EPHA3: variants seen among roughly 807,000 people sequenced by gnomAD.
EPHA3 encodes ephrin type-A receptor 3.
In EPHA3, 42 loss-of-function variants were observed where a neutral mutation model predicts 107.1. The observed-to-expected ratio is 0.39, with a 90% CI of 0.31 to 0.51. The LOEUF (loss-of-function observed/expected upper bound fraction) is 0.51. Ranked by LOEUF, EPHA3 falls within the 20% of genes least tolerant of loss-of-function variation. The pLI, the probability that EPHA3 is intolerant of heterozygous loss-of-function variation, is 0.78. For missense variants in EPHA3, 1,183 were observed against 1,211.2 expected (o/e 0.98, Z 0.35); for synonymous variants, 461 against 424.8 (o/e 1.09, Z -1.05).
chr3:89,174,648 T>C (rs1705280684), intron 2 of EPHA3, among the ~76,000 whole-genome samples: 1 of 151,954 alleles, frequency 6.6e-6, no homozygotes, highest in Non-Finnish European at 1.5e-5. Flanking sequence ...CTTAATAATA[T>C]AGTTATAAAT....
At chr3:89,339,796 T>C (rs79422027) in intron 3 of EPHA3, among the ~76,000 whole-genome samples, 3,252 of 152,276 alleles carry the variant, frequency 0.021, 121 homozygotes, top group African/African-American at 0.071. Context: ...GCCTATTCTG[T>C]ATATAAGTTC....
chr3:89,120,967 C>G (rs1286626937), intron 1 of EPHA3, among the ~76,000 whole-genome samples: 1 of 152,156 alleles, frequency 6.6e-6, no homozygotes, highest in African/African-American at 2.4e-5. Flanking sequence ...CAGCCTGGCA[C>G]GGTGGCTCAC....
chr3:89,316,427 A>T (rs1706900352), intron 3 of EPHA3, among the ~76,000 whole-genome samples: 1 of 149,862 alleles, frequency 6.7e-6, no homozygotes, highest in Non-Finnish European at 1.5e-5. Context: ...ACGCATTTTG[A>T]CAACATCTGG....
At chr3:89,284,673 CT>C (rs1386703582) in intron 3 of EPHA3, among the ~76,000 whole-genome samples, 1 of 152,146 alleles carries the variant, frequency 6.6e-6, no homozygotes, top group Non-Finnish European at 1.5e-5. Flanking sequence ...ATGGCACTTT[CT>C]TTTGCATCTA....
intron 3 of EPHA3, among the ~76,000 whole-genome samples, chr3:89,275,490 A>T (rs759514551): frequency 5.3e-5 from 8 of 152,082 alleles, no homozygotes; most frequent in Non-Finnish European, 1.2e-4. Context: ...CCAAACCCTC[A>T]CCTATAATAA....
At chr3:89,281,876 C>T (rs1705957208) in intron 3 of EPHA3, among the ~76,000 whole-genome samples, 1 of 152,126 alleles carries the variant, frequency 6.6e-6, no homozygotes, top group Admixed American at 6.6e-5. Context: ...TGGCTAATTC[C>T]AATCATTGTA....
intron 2 of EPHA3, among the ~76,000 whole-genome samples, chr3:89,181,286 GT>G (rs1344122752): frequency 6.6e-6 from 1 of 151,956 alleles, no homozygotes; most frequent in Non-Finnish European, 1.5e-5. Flanking sequence ...TTAATTTCCA[GT>G]TGAGCAAATA....
intron 16 of EPHA3, 140 bp from the exon 17 acceptor site, chr3:89,479,257 C>A: frequency 2.9e-6 from 2 of 687,850 alleles, no homozygotes; most frequent in South Asian, 1.8e-5. Flanking sequence ...ACGGTCCGGA[C>A]ATAACACAGA....
intron 2 of EPHA3, among the ~76,000 whole-genome samples, chr3:89,133,059 TA>T (rs1243461689): frequency 1.3e-5 from 2 of 152,220 alleles, no homozygotes; most frequent in Non-Finnish European, 2.9e-5. Flanking sequence ...AAGAGCTATA[TA>T]AATATCATTT....
intron 5 of EPHA3, among the ~76,000 whole-genome samples, chr3:89,389,684 A>ATAGT (rs1324934658): frequency 6.6e-6 from 1 of 152,222 alleles, no homozygotes; most frequent in East Asian, 1.9e-4. Context: ...TTAAAACACC[A>ATAGT]TAGTTAAAAC....
intron 1 of EPHA3, among the ~76,000 whole-genome samples, chr3:89,113,708 A>T (rs1442016943): frequency 1.3e-5 from 2 of 149,898 alleles, no homozygotes; most frequent in Non-Finnish European, 3.0e-5. Context: ...AAATCCCTAA[A>T]AACCCCGCAC....
At chr3:89,275,649 C>T (rs918097649) in intron 3 of EPHA3, among the ~76,000 whole-genome samples, 11 of 152,038 alleles carry the variant, frequency 7.2e-5, no homozygotes, top group African/African-American at 2.7e-4. Context: ...CAAATTTTCT[C>T]AGAAATATGA....
At chr3:89,182,671 A>G (rs901363999) in intron 2 of EPHA3, among the ~76,000 whole-genome samples, 9 of 151,940 alleles carry the variant, frequency 5.9e-5, no homozygotes, top group African/African-American at 2.2e-4. Context: ...GTGCGTGCAT[A>G]GGCATGTGTG....
In EPHA3 at chr3:89,295,935, T is replaced by C. The variant is rs1382242031; in HGVS notation, c.815-44981T>C. The stretch of plus-strand genomic sequence containing the variant: ...ACATTCATAGCATGTTCACCAGGAG[T>C]AGATTTCATCTCAAGGAATAATGTT... On this transcript the variant is annotated intron_variant, in intron 3 of 16. Transcript: ENST00000336596. Among the ~76,000 whole-genome samples the C allele has an allele frequency of 3.9e-5, 6 of 152,212 alleles. No individual in the cohort carries two copies. In the East Asian group the frequency reaches 9.7e-4, roughly 25 times the overall value.
At chr3:89,254,949 C>T (rs1705246834) in intron 3 of EPHA3, among the ~76,000 whole-genome samples, 1 of 152,076 alleles carries the variant, frequency 6.6e-6, no homozygotes, top group Admixed American at 6.6e-5. Flanking sequence ...AATAATATAG[C>T]AAAGAGAAGG....
intron 2 of EPHA3, among the ~76,000 whole-genome samples, chr3:89,204,586 A>T (rs1002603707): frequency 4.2e-5 from 6 of 141,910 alleles, no homozygotes; most frequent in African/African-American, 1.6e-4. Flanking sequence ...ATATACCTTT[A>T]GAAATATATA....
intron 2 of EPHA3, among the ~76,000 whole-genome samples, chr3:89,161,796 G>A (rs1264107246): frequency 6.6e-6 from 1 of 151,850 alleles, no homozygotes; most frequent in Non-Finnish European, 1.5e-5. Context: ...GGGCAGCATG[G>A]TGAAACCCTG....
chr3:89,147,316 G>A lies in EPHA3; in HGVS notation c.153+20043G>A, dbSNP rs559832147. ...ATATACCTATGTAACAAACCTGCAC[G>A]TTCTGCACATGTATCCCAGAACGTA... On this transcript the variant is annotated intron_variant, in intron 2 of 16. Coordinates refer to ENST00000336596, the MANE Select transcript of EPHA3 (RefSeq NM_005233.6). Among the ~76,000 whole-genome samples, 227 of 151,624 alleles carry A rather than the reference G, an allele frequency of 1.5e-3. 2 individuals carry two copies. Among genetic ancestry groups the A allele is most frequent in the African/African-American group, 4.9e-3 (202 of 41,374 alleles).
rs1207546633 is a variant in EPHA3 at position 89,171,910 on chromosome 3, A to G, written c.154-37950A>G. 3.3e-5 allele frequency among the ~76,000 whole-genome samples: 5 copies of G among 152,280 alleles called. No homozygotes were observed. In the East Asian group the frequency reaches 7.7e-4, roughly 24 times the overall value. On this transcript the variant is annotated intron_variant, in intron 2 of 16. Transcript: ENST00000336596. ...AGCGGGTCATTGTGTAAGCCTGACC[A>G]TAATCTTTCTATAGACAGAAGCCCT...
Sources: gnomAD v4.1 joint callset for allele counts (sites outside exome capture counted in the v4.1 genomes callset) on GRCh38, gnomAD v4.1.1 for gene constraint, MANE v1.5 for transcripts, NCBI Gene and HGNC (gene_info 2026-07-23, HGNC 2026-07-21) for gene names.